Variants in FBXL5 observed in about 807,000 individuals in gnomAD.
FBXL5 encodes F-box and leucine rich repeat protein 5, also known as F-box/LRR-repeat protein 5.
Under a neutral mutation model 78.3 loss-of-function variants are expected in FBXL5, and 26 were observed. That is an observed-to-expected ratio of 0.33 (90% CI 0.24 to 0.46). The LOEUF (loss-of-function observed/expected upper bound fraction) is 0.46, where lower values mean the gene tolerates loss of function less well. Among genes scored for constraint, FBXL5 ranks in the 20% least tolerant of loss-of-function variants. The probability of loss-of-function intolerance (pLI) is 1.00; values close to 1 mark genes in which losing one functional copy is unlikely to be tolerated. For missense variants in FBXL5, 710 were observed against 829.2 expected, an observed-to-expected ratio of 0.86 and a Z score of 1.77; for synonymous variants, 295 against 282.5, an observed-to-expected ratio of 1.04 and a Z score of -0.45.
chr4:15,625,564 A>C lies in FBXL5; in HGVS notation c.1538T>G (p.Phe513Cys), dbSNP rs1478223443. The C allele has an allele frequency of 6.2e-7, 1 of 1,614,068 alleles. No individual in the cohort carries two copies. Among genetic ancestry groups the C allele is most frequent in the Non-Finnish European group, 8.5e-7 (1 of 1,180,036 alleles). Residue 513 changes from phenylalanine to cysteine, a missense_variant, in exon 9 of 11, where the codon TTT becomes TGT. Physicochemically the swap from Phe to Cys is radical, Grantham distance 205. Transcript: ENST00000341285. ...AAAACAACCAGAGGTGGAACAACTA[A>C]AGTTGGATGCTGTTTCCATTACACA... ...SLCVMETASN[F>C]SCSTSGCFSK...
chr4:15,646,680 A>G (rs1391597070), intron 1 of FBXL5, among the ~76,000 whole-genome samples: 3 of 149,092 alleles, frequency 2.0e-5, no homozygotes, highest in Non-Finnish European at 3.0e-5. Context: ...ATATCTCCCA[A>G]TGCTATCCCT....
intron 5 of FBXL5, among the ~76,000 whole-genome samples, chr4:15,633,891 C>T (rs559101375): frequency 2.2e-4 from 34 of 152,268 alleles, no homozygotes; most frequent in Admixed American, 5.9e-4. Flanking sequence ...CGTGAGCCAC[C>T]GTGCCTGGCC....
chr4:15,642,383 T>C (rs1358069496), intron 2 of FBXL5, among the ~76,000 whole-genome samples: 1 of 151,688 alleles, frequency 6.6e-6, no homozygotes. Context: ...CAGGTGCCCA[T>C]CACAACTCCC....
chr4:15,626,323 T>C (rs771620838), intron 8 of FBXL5, among the ~76,000 whole-genome samples: 12 of 152,128 alleles, frequency 7.9e-5, no homozygotes, highest in Non-Finnish European at 1.5e-4. Context: ...GGAAGATCCA[T>C]AAGAAACAAG....
chr4:15,610,709 C>A (rs188307802), intron 10 of FBXL5, among the ~76,000 whole-genome samples: 15 of 152,048 alleles, frequency 9.9e-5, no homozygotes, highest in Admixed American at 9.2e-4. Flanking sequence ...CAGTCCCCTC[C>A]CTCTACCCAA....
At chr4:15,680,947 G>A (rs1039490817) in intron 1 of FBXL5, among the ~76,000 whole-genome samples, 3 of 148,148 alleles carry the variant, frequency 2.0e-5, no homozygotes, top group Non-Finnish European at 4.5e-5. Flanking sequence ...TCCTTTATAT[G>A]TTTTTTGTTT....
At chr4:15,671,282 C>G (rs1419252028) in intron 1 of FBXL5, among the ~76,000 whole-genome samples, 1 of 152,026 alleles carries the variant, frequency 6.6e-6, no homozygotes, top group Admixed American at 6.6e-5. Flanking sequence ...AAATATGTTG[C>G]TCTACTGGCT....
At chr4:15,608,595 A>G (rs1722038852) in intron 10 of FBXL5, among the ~76,000 whole-genome samples, 1 of 151,466 alleles carries the variant, frequency 6.6e-6, no homozygotes, top group Non-Finnish European at 1.5e-5. Context: ...TTTTATATGA[A>G]TATAGGCAAG....
In FBXL5 at chr4:15,636,569, C is replaced by T. The variant is rs758500194; in HGVS notation, c.691G>A (p.Val231Ile). 7.4e-6 allele frequency: 12 copies of T among 1,614,006 alleles called. No individual in the cohort carries two copies. The highest frequency in any genetic ancestry group is 2.2e-5 in the South Asian group (2 of 91,068). The stretch of plus-strand genomic sequence containing the variant: ...GTCAGCTGAGACCATTTCATGCTTA[C>T]TTGACTGCATCGACATAACTCTTGA... The part of the protein sequence containing the change: ...NPQELCRCSQ[V>I]SMKWSQLTKT... Residue 231 changes from valine to isoleucine, a missense_variant, in exon 5 of 11, where the codon GTA (valine) becomes ATA (isoleucine). This residue lies in a region of FBXL5 where 517 missense variants were observed against 542.9 expected (regional missense o/e 0.95). Coordinates refer to ENST00000341285, the MANE Select transcript of FBXL5 (RefSeq NM_012161.4).
intron 5 of FBXL5, among the ~76,000 whole-genome samples, chr4:15,631,518 A>G (rs1391515657): frequency 1.3e-5 from 2 of 152,296 alleles, no homozygotes; most frequent in South Asian, 2.1e-4. Flanking sequence ...GGCTGAACTA[A>G]TTTACACTCC....
chr4:15,660,989 A>C (rs376518573), upstream of FBXL5, among the ~76,000 whole-genome samples: 271 of 152,232 alleles, frequency 1.8e-3, 2 homozygotes, highest in Middle Eastern at 0.01. Context: ...AGGCAGGAGA[A>C]TCACTTAAAC....
At chr4:15,624,113 C>G (rs906598098) in intron 9 of FBXL5, among the ~76,000 whole-genome samples, 5 of 152,058 alleles carry the variant, frequency 3.3e-5, no homozygotes, top group Non-Finnish European at 7.4e-5. Context: ...CGTGAGCCAC[C>G]GCACCCGGCC....
rs16892220 is a variant in FBXL5 at position 15,630,869 on chromosome 4, G to A, written c.767-78C>T. 3.0e-3 allele frequency: 4,635 copies of A among 1,541,828 alleles called. 131 individuals carry two copies. In the African/African-American group the frequency reaches 0.061, roughly 20 times the overall value. The stretch of plus-strand genomic sequence containing the variant: ...AATTATGAAAAACTAAGCTATTTAC[G>A]ATAAAAATCTCTACAAAGAGAAAAC... On this transcript the variant is annotated intron_variant, in intron 5 of 10. Transcript: ENST00000341285.
chr4:15,618,856 A>C (rs1712175494), intron 9 of FBXL5, among the ~76,000 whole-genome samples: 1 of 151,980 alleles, frequency 6.6e-6, no homozygotes, highest in Non-Finnish European at 1.5e-5. Context: ...AGAAGAATTA[A>C]CATCAACCTT....
intron 1 of FBXL5, among the ~76,000 whole-genome samples, chr4:15,667,828 G>A (rs758910462): frequency 1.1e-4 from 16 of 152,074 alleles, no homozygotes; most frequent in Non-Finnish European, 1.9e-4. Context: ...GATCACCTGA[G>A]GTCAGGAGTT....
intron 1 of FBXL5, among the ~76,000 whole-genome samples, chr4:15,649,151 G>A (rs1382322092): frequency 6.6e-6 from 1 of 150,688 alleles, no homozygotes; most frequent in African/African-American, 2.4e-5. Context: ...ATTTGATGAA[G>A]TGAAAACAAA....
In FBXL5 at chr4:15,627,973, T is replaced by A. The variant is rs377059346; in HGVS notation, c.953A>T (p.His318Leu). 6.2e-7 allele frequency: 1 copy of A among 1,613,654 alleles called. No individual in the cohort carries two copies. Among genetic ancestry groups the A allele is most frequent in the African/African-American group, 1.3e-5 (1 of 74,926 alleles). Residue 318 changes from histidine (H) to leucine (L), a missense_variant, in exon 7 of 11, where the codon CAT becomes CTT. His to Leu is a moderately conservative substitution (Grantham distance 99, BLOSUM62 -3). Transcript: ENST00000341285. ...TGGTAGAACGTTATGAATTAAGCCA[T>A]GGAGTAAACGTTTTTCCATTTGTGC... ...SIAQMEKRLLHGLIHNVLPYV... is the reference protein window; with the variant it reads ...SIAQMEKRLLLGLIHNVLPYV...
chr4:15,667,576 A>T (rs915827462), intron 1 of FBXL5, among the ~76,000 whole-genome samples: 1 of 152,104 alleles, frequency 6.6e-6, no homozygotes, highest in African/African-American at 2.4e-5. Flanking sequence ...GAAACAGGAG[A>T]TCTTTTTAAT....
chr4:15,623,299 TTATATAA>T (rs1378591055), intron 9 of FBXL5, among the ~76,000 whole-genome samples: 1 of 152,050 alleles, frequency 6.6e-6, no homozygotes, highest in Non-Finnish European at 1.5e-5. Context: ...CAATTTTTAA[TTATATAA>T]AATTTTAGTA....
Sources: allele counts gnomAD v4.1 joint callset (sites outside exome capture counted in the v4.1 genomes callset), GRCh38; gene constraint gnomAD v4.1.1; regional missense constraint gnomAD v4.1.1; transcripts MANE v1.5; gene names NCBI Gene and HGNC (gene_info 2026-07-23, HGNC 2026-07-21).